The following CCDC25 variants were observed in gnomAD, a reference collection of about 807,000 sequenced individuals.
CCDC25 encodes the protein coiled-coil domain-containing protein 25.
CCDC25 carries 16 observed loss-of-function variants against 35.3 expected under a neutral mutation model. The observed-to-expected ratio is 0.45, with a 90% CI of 0.31 to 0.69. The LOEUF (loss-of-function observed/expected upper bound fraction) is 0.69, where lower values mean the gene tolerates loss of function less well. CCDC25 is among the 30% of genes least tolerant of loss of function. The pLI, the probability that CCDC25 is intolerant of heterozygous loss-of-function variation, is 0.06. For synonymous variants in CCDC25, 79 were observed against 80.3 expected (o/e 0.98, Z 0.09); for missense variants, 179 against 250.7 (o/e 0.71, Z 1.93).
chr8:27,752,810 G>C, intron 4 of CCDC25: 24 of 123,440 alleles, frequency 1.9e-4, no homozygotes, highest in South Asian at 3.4e-4. Flanking sequence ...CACTTAATAA[G>C]TAAAAAAAAA....
chr8:27,746,034 G>A (rs1803591029), intron 7 of CCDC25, among the ~76,000 whole-genome samples: 1 of 152,166 alleles, frequency 6.6e-6, no homozygotes, highest in Non-Finnish European at 1.5e-5. Context: ...TGTTTTGGTG[G>A]ACAAATTTTG....
intron 8 of CCDC25, among the ~76,000 whole-genome samples, chr8:27,736,710 G>T (rs938020388): frequency 1.3e-5 from 2 of 152,154 alleles, no homozygotes; most frequent in Admixed American, 1.3e-4. Flanking sequence ...ACATGGCTTT[G>T]ATCTCTTCTT....
chr8:27,747,917 A>C, intron 7 of CCDC25, 160 bp downstream of exon 7: 1 of 648,002 alleles, frequency 1.5e-6, no homozygotes, highest in East Asian at 2.7e-5. Flanking sequence ...ACATTAATAT[A>C]AATGCCTTTT....
At chr8:27,764,826 T>C (rs1362959480) in intron 2 of CCDC25, among the ~76,000 whole-genome samples, 1 of 152,230 alleles carries the variant, frequency 6.6e-6, no homozygotes, top group Non-Finnish European at 1.5e-5. Flanking sequence ...GCATTTACTA[T>C]TCATGTTACT....
chr8:27,740,837 A>G (rs996302993), intron 7 of CCDC25, among the ~76,000 whole-genome samples: 4 of 152,228 alleles, frequency 2.6e-5, no homozygotes, highest in African/African-American at 9.6e-5. Flanking sequence ...CCTACAGCCA[A>G]GATCTGATAA....
Position 27,735,792 on chromosome 8 carries a change from T to C in CCDC25, c.*424A>G, listed in dbSNP as rs1400894202. 1 of 155,760 alleles carries C rather than the reference T, an allele frequency of 6.4e-6. No individual in the cohort carries two copies. Among genetic ancestry groups the C allele is most frequent in the East Asian group, 1.9e-4 (1 of 5,306 alleles). 9.6% of individuals were successfully genotyped at this position (155,760 alleles called of 1,614,324 possible). ...AGGGACAGGGAAACATTCGCATAATTACCCACCAACATGTTCTTCTTAACA... is the reference window on the plus strand; with the variant it reads ...AGGGACAGGGAAACATTCGCATAATCACCCACCAACATGTTCTTCTTAACA... On this transcript the variant is annotated 3_prime_UTR_variant, in exon 9 of 9. Coordinates refer to ENST00000356537, the MANE Select transcript of CCDC25 (RefSeq NM_018246.3).
In CCDC25 at chr8:27,759,376, G is replaced by T. The variant is rs534161532; in HGVS notation, c.117-2606C>A. 6.6e-5 allele frequency among the ~76,000 whole-genome samples: 10 copies of T among 152,296 alleles called. No homozygotes were observed. In the East Asian group the frequency reaches 1.9e-3, roughly 29 times the overall value. On this transcript the variant is annotated intron_variant, in intron 3 of 8. Transcript: ENST00000356537. The stretch of plus-strand genomic sequence containing the variant: ...CGTGCCAGCACTTTGGGAGGCCGAG[G>T]TGGGTGGATCACTTCAGGTCAGGGG...
intron 3 of CCDC25, among the ~76,000 whole-genome samples, chr8:27,758,513 C>T (rs1804098104): frequency 6.6e-6 from 1 of 152,220 alleles, no homozygotes; most frequent in African/African-American, 2.4e-5. Flanking sequence ...TTTGCATTCC[C>T]ATGTGAGAGA....
At chr8:27,752,155 C>A (rs1012828430) in intron 5 of CCDC25, among the ~76,000 whole-genome samples, 1 of 152,138 alleles carries the variant, frequency 6.6e-6, no homozygotes, top group Non-Finnish European at 1.5e-5. Flanking sequence ...AAAAATAAAG[C>A]CATAAAACAC....
chr8:27,747,967 G>T, intron 7 of CCDC25, 110 bp downstream of exon 7: 1 of 1,058,406 alleles, frequency 9.4e-7, no homozygotes, highest in Non-Finnish European at 1.4e-6. Context: ...AGCTGAGCTT[G>T]TTACATGTCC....
chr8:27,762,879 T>G (rs3937606), intron 2 of CCDC25, among the ~76,000 whole-genome samples: 1 of 151,752 alleles, frequency 6.6e-6, no homozygotes, highest in Non-Finnish European at 1.5e-5. Context: ...TTACAGAAAA[T>G]TTAAAACAAA....
At chr8:27,770,824 G>GT (rs1804580804) in intron 1 of CCDC25, among the ~76,000 whole-genome samples, 1 of 151,800 alleles carries the variant, frequency 6.6e-6, no homozygotes. Flanking sequence ...AGTGCTATAA[G>GT]TAAGTAAAAA....
chr8:27,763,580 T>C (rs1015180415), intron 2 of CCDC25, among the ~76,000 whole-genome samples: 4 of 152,048 alleles, frequency 2.6e-5, no homozygotes, highest in African/African-American at 9.7e-5. Context: ...TAGCCAGGCA[T>C]GGTAGCACGT....
intron 1 of CCDC25, 96 bp from the exon 2 acceptor site, chr8:27,765,347 G>A: frequency 1.0e-6 from 1 of 973,490 alleles, no homozygotes; most frequent in Non-Finnish European, 1.4e-6. Context: ...ACTAGGGGCT[G>A]GCAAACCATG....
intron 7 of CCDC25, among the ~76,000 whole-genome samples, chr8:27,747,576 T>C (rs572180184): frequency 5.7e-4 from 87 of 152,362 alleles, no homozygotes; most frequent in African/African-American, 1.9e-3. Context: ...AGGAGCCAAA[T>C]TGTATTTGAA....
rs1333328024 is a variant in CCDC25 at position 27,737,439 on chromosome 8, A to C, written c.598-1194T>G. 6.6e-6 allele frequency among the ~76,000 whole-genome samples: 1 copy of C among 152,210 alleles called. No individual in the cohort carries two copies. Among genetic ancestry groups the C allele is most frequent in the Non-Finnish European group, 1.5e-5 (1 of 68,036 alleles). On this transcript the variant is annotated intron_variant, in intron 8 of 8. Coordinates refer to ENST00000356537, the MANE Select transcript of CCDC25 (RefSeq NM_018246.3). This position sits in a 1 kb window ranked among gnomAD's most constrained non-coding sequence, Gnocchi z 4.6. The stretch of plus-strand genomic sequence containing the variant: ...TATAAAGGCTGTGAGTTAGATGTGC[A>C]GAGTCCCCACTTGTCTGGGGCTATG...
At chr8:27,772,198 T>C (rs1804646567) in intron 1 of CCDC25, 2 of 506,764 alleles carry the variant, frequency 3.9e-6, no homozygotes, top group Non-Finnish European at 7.1e-6. Flanking sequence ...ATAAGGTGTG[T>C]GGAGGAGCCC....
chr8:27,766,721 C>A (rs1489542230), intron 1 of CCDC25, among the ~76,000 whole-genome samples: 1 of 152,114 alleles, frequency 6.6e-6, no homozygotes, highest in African/African-American at 2.4e-5. Context: ...CCAAAATACT[C>A]CACCAAGCAA....
chr8:27,742,564 C>A (rs1183394346), intron 7 of CCDC25, among the ~76,000 whole-genome samples: 1 of 152,144 alleles, frequency 6.6e-6, no homozygotes, highest in Non-Finnish European at 1.5e-5. Context: ...GACAATGATG[C>A]ACAAATTTAC....
Sources: allele counts gnomAD v4.1 joint callset (sites outside exome capture counted in the v4.1 genomes callset), GRCh38; gene constraint gnomAD v4.1.1; non-coding constraint Gnocchi (gnomAD v3.1); transcripts MANE v1.5; gene names NCBI Gene and HGNC (gene_info 2026-07-23, HGNC 2026-07-21).